RTN4: variants seen among roughly 807,000 people sequenced by gnomAD.
RTN4 encodes reticulon 4, also known as reticulon-4.
In RTN4, 32 loss-of-function variants were observed where a neutral mutation model predicts 90.4. The ratio of observed to expected loss-of-function variants is 0.35; its 90% CI spans 0.27 to 0.48. RTN4 has a LOEUF of 0.48. Ranked by LOEUF, RTN4 falls within the 20% of genes least tolerant of loss-of-function variation. RTN4 has a pLI of 0.99. For synonymous variants in RTN4, 629 were observed against 552.5 expected (o/e 1.14, Z -1.94); for missense variants, 1,706 against 1,430.2 (o/e 1.19, Z -3.11).
Position 55,027,477 on chromosome 2 carries a change from C to A in RTN4, c.622G>T (p.Asp208Tyr). Residue 208 changes from aspartate (D) to tyrosine (Y), a missense_variant, in exon 3 of 9, where the codon GAC (aspartate) becomes TAC (tyrosine). Asp to Tyr is a radical substitution (Grantham distance 160, BLOSUM62 -3). Coordinates refer to ENST00000337526, the MANE Select transcript of RTN4 (RefSeq NM_020532.5). The part of the protein sequence containing the change: ...PVIRSSAENM[D>Y]LKEQPGNTIS... The stretch of plus-strand genomic sequence containing the variant: ...GTGTTACCTGGCTGCTCCTTCAAGT[C>A]CATATTTTCTGTGACCATGGACAGA... The A allele has an allele frequency of 6.2e-7, 1 of 1,601,058 alleles. No individual in the cohort carries two copies. The highest frequency in any genetic ancestry group is 1.1e-5 in the South Asian group (1 of 89,024).
At chr2:55,056,820 A>T (rs1011411968) in intron 2 of RTN4, among the ~76,000 whole-genome samples, 1 of 152,244 alleles carries the variant, frequency 6.6e-6, no homozygotes, top group Non-Finnish European at 1.5e-5. Context: ...CACTCTGTTT[A>T]TTAAAGCAGA....
At chr2:55,066,552 G>A (rs1297964388) in intron 2 of RTN4, among the ~76,000 whole-genome samples, 6 of 151,858 alleles carry the variant, frequency 4.0e-5, no homozygotes, top group Non-Finnish European at 8.8e-5. Context: ...AAAATTATCC[G>A]GGCATGGTGC....
chr2:55,066,693 A>AAAAT (rs201230678), intron 2 of RTN4, among the ~76,000 whole-genome samples: 63,109 of 145,318 alleles, frequency 0.43, 13,858 homozygotes, highest in African/African-American at 0.5. Context: ...CTCCATCTCA[A>AAAAT]AAATAAATAA....
Position 55,025,150 on chromosome 2 carries a change from G to C in RTN4, c.2949C>G (p.Ser983=), listed in dbSNP as rs745687944. Reference sequence around the variant, plus strand: ...GTGATCTGTCCTCTTTTTCTGTATCGGAAGGAAGTTTTTTCTCAGCTTCTT... The same window carrying C: ...GTGATCTGTCCTCTTTTTCTGTATCCGAAGGAAGTTTTTTCTCAGCTTCTT... ...LVKEAEKKLP[S]DTEKEDRSPS... The change falls in exon 3 of 9, where the codon TCC becomes TCG. Residue 983 remains serine, a synonymous_variant. Transcript: ENST00000337526. 4 of 1,613,324 alleles carry C rather than the reference G, an allele frequency of 2.5e-6. No homozygotes were observed. The highest frequency in any genetic ancestry group is 1.7e-5 in the Admixed American group (1 of 59,880).
intron 1 of RTN4, among the ~76,000 whole-genome samples, chr2:55,108,342 C>T (rs1426413313): frequency 6.6e-6 from 1 of 151,898 alleles, no homozygotes; most frequent in Non-Finnish European, 1.5e-5. Flanking sequence ...AGTAGTAATC[C>T]CCAAATTCTA....
At position 55,010,251 on chromosome 2, in the gene RTN4, G is replaced by A. The variant is rs930065156; in HGVS notation, c.3013+14835C>T. The A allele has an allele frequency of 5.2e-6, 8 of 1,541,296 alleles. No individual in the cohort carries two copies. The African/African-American group carries it at 9.6e-5, about 19-fold the overall frequency. On this transcript the variant is annotated intron_variant, in intron 3 of 8. Transcript: ENST00000337526. ...TCAACCGAAGTCTGCAGTCTCCTCT[G>A]CTGCACAACTGCAGCAGGACTGAAG...
chr2:55,102,095 T>A (rs1667863014), intron 1 of RTN4, among the ~76,000 whole-genome samples: 1 of 152,150 alleles, frequency 6.6e-6, no homozygotes, highest in Non-Finnish European at 1.5e-5. Context: ...TTAAAAATCA[T>A]GAGCACCAAA....
chr2:55,021,421 G>C (rs2104838494), intron 3 of RTN4, among the ~76,000 whole-genome samples: 1 of 150,132 alleles, frequency 6.7e-6, no homozygotes, highest in South Asian at 2.1e-4. Flanking sequence ...ATCTCATATA[G>C]TGCCTGATAG....
At chr2:55,041,687 C>A (rs1213153669) in intron 1 of RTN4, among the ~76,000 whole-genome samples, 1 of 151,776 alleles carries the variant, frequency 6.6e-6, no homozygotes, top group Admixed American at 6.6e-5. Context: ...CTCTCTAGAA[C>A]AAAACAAACT....
chr2:55,049,563 C>G (rs750705424), intron 1 of RTN4, 182 bp downstream of exon 1: 2 of 986,428 alleles, frequency 2.0e-6, no homozygotes, highest in African/African-American at 3.2e-5. Flanking sequence ...CAAACCCGGG[C>G]TCCAAGGGCC....
At chr2:55,092,803 C>A (rs1417612402) in intron 1 of RTN4, among the ~76,000 whole-genome samples, 1 of 152,202 alleles carries the variant, frequency 6.6e-6, no homozygotes, top group Non-Finnish European at 1.5e-5. Flanking sequence ...CTGGAGAAAG[C>A]AGAGGCCTCA....
intron 5 of RTN4, among the ~76,000 whole-genome samples, chr2:54,977,696 G>A (rs1319634464): frequency 6.6e-6 from 1 of 152,034 alleles, no homozygotes; most frequent in Non-Finnish European, 1.5e-5. Context: ...AGGATTTATA[G>A]TTTAATGCCA....
At chr2:54,993,020 G>A (rs1679133930) in intron 3 of RTN4, among the ~76,000 whole-genome samples, 1 of 145,778 alleles carries the variant, frequency 6.9e-6, no homozygotes, top group Non-Finnish European at 1.5e-5. Context: ...GTTGCAGTGA[G>A]CCGAGATTGC....
chr2:54,978,792 T>C (rs1304130430), intron 5 of RTN4, among the ~76,000 whole-genome samples: 4 of 152,132 alleles, frequency 2.6e-5, no homozygotes, highest in African/African-American at 9.7e-5. Flanking sequence ...AAAACATTCA[T>C]CTCAACTGGA....
chr2:55,123,585 G>C, the RTN4 span, among the ~76,000 whole-genome samples: 4 of 151,742 alleles, frequency 2.6e-5, no homozygotes, highest in Non-Finnish European at 4.4e-5. Flanking sequence ...CCTCATAAAT[G>C]AATTTGCAAA....
chr2:55,071,553 A>AAG (rs1223863732), intron 2 of RTN4, among the ~76,000 whole-genome samples: 4 of 151,398 alleles, frequency 2.6e-5, no homozygotes, highest in Admixed American at 2.6e-4. Flanking sequence ...CAAAAAAAAA[A>AAG]AAAAAAAAAA....
At chr2:55,064,551 A>G (rs934938605) in intron 2 of RTN4, among the ~76,000 whole-genome samples, 1 of 152,116 alleles carries the variant, frequency 6.6e-6, no homozygotes, top group South Asian at 2.1e-4. Context: ...GGGTTTCACC[A>G]TGTTGGTGAG....
At chr2:55,042,282 C>G (rs1683130035) in intron 1 of RTN4, among the ~76,000 whole-genome samples, 1 of 152,222 alleles carries the variant, frequency 6.6e-6, no homozygotes, top group African/African-American at 2.4e-5. Context: ...TCTACTTGCA[C>G]AGATTTATCC....
At chr2:55,121,818 C>T in the RTN4 span, among the ~76,000 whole-genome samples, 19 of 152,030 alleles carry the variant, frequency 1.2e-4, no homozygotes, top group Admixed American at 7.2e-4. Flanking sequence ...AATATTTATT[C>T]ATTCAGGGTA....
Sources: gnomAD v4.1 joint callset for allele counts (sites outside exome capture counted in the v4.1 genomes callset) on GRCh38, gnomAD v4.1.1 for gene constraint, MANE v1.5 for transcripts, NCBI Gene and HGNC (gene_info 2026-07-23, HGNC 2026-07-21) for gene names.